The following PI4KA variants were observed in gnomAD, a reference collection of about 807,000 sequenced individuals.
PI4KA encodes phosphatidylinositol 4-kinase alpha, also known as PI4-kinase alpha.
In PI4KA, 122 loss-of-function variants were observed where a neutral mutation model predicts 271.4. The observed-to-expected ratio is 0.45, with a 90% CI of 0.39 to 0.52. The LOEUF (loss-of-function observed/expected upper bound fraction) is 0.52. Ranked by LOEUF, PI4KA falls within the 20% of genes least tolerant of loss-of-function variation. The pLI, the probability that PI4KA is intolerant of heterozygous loss-of-function variation, is 0.00. For synonymous variants in PI4KA, 1,041 were observed against 1,078.8 expected, an observed-to-expected ratio of 0.96 and a Z score of 0.69; for missense variants, 1,969 against 2,769.1, an observed-to-expected ratio of 0.71 and a Z score of 6.48.
At chr22:20,727,997 G>A in intron 39 of PI4KA, 133 bp from the exon 40 acceptor site, 1 of 584,630 alleles carries the variant, frequency 1.7e-6, no homozygotes. Context: ...TGACGGCTTG[G>A]GTACAAACAA....
chr22:20,784,007 C>T (rs769591035), intron 19 of PI4KA: 25 of 1,614,070 alleles, frequency 1.5e-5, no homozygotes, highest in Non-Finnish European at 1.7e-6. Flanking sequence ...GGAAATGACA[C>T]ACAACCACAA....
intron 41 of PI4KA, 76 bp downstream of exon 41, chr22:20,727,154 G>T: frequency 7.2e-7 from 1 of 1,380,306 alleles, no homozygotes; most frequent in Non-Finnish European, 9.9e-7. Context: ...CCAATGGTGG[G>T]GCCTGTGCCT....
chr22:20,809,733 A>G (rs1406798680), intron 9 of PI4KA, among the ~76,000 whole-genome samples: 1 of 152,374 alleles, frequency 6.6e-6, no homozygotes, highest in East Asian at 1.9e-4. Context: ...GCCAATGGGC[A>G]GAACGACAAC....
At chr22:20,795,717 G>A (rs1387429081) in intron 18 of PI4KA, among the ~76,000 whole-genome samples, 1 of 152,146 alleles carries the variant, frequency 6.6e-6, no homozygotes, top group East Asian at 1.9e-4. Flanking sequence ...TATCTCAGTA[G>A]ACCTGTCTTC....
intron 17 of PI4KA, 71 bp from the exon 18 acceptor site, chr22:20,796,385 G>T: frequency 6.8e-7 from 1 of 1,479,794 alleles, no homozygotes; most frequent in Non-Finnish European, 9.3e-7. Flanking sequence ...GCACTGCAGG[G>T]GTGAGGCGAG....
Position 20,727,801 on chromosome 22 carries a change from G to A in PI4KA, c.4746C>T (p.Ala1582=), listed in dbSNP as rs1178504351. The A allele has an allele frequency of 1.3e-5, 21 of 1,613,932 alleles. No individual in the cohort carries two copies. The highest frequency in any genetic ancestry group is 8.8e-5 in the South Asian group (8 of 91,058). The change falls in exon 40 of 55, where the codon GCC becomes GCT. Residue 1582 remains alanine, a synonymous_variant. Coordinates refer to ENST00000255882, the MANE Select transcript of PI4KA (RefSeq NM_058004.4). The part of the protein sequence containing the change: ...VTRLVRLDPG[A]VSDVPEAIKF... ...TGATTGCTTCAGGCACATCACTAAC[G>A]GCTCCCGGGTCCAACCGAACGAGAC...
At chr22:20,783,833 T>C in intron 19 of PI4KA, 1 of 1,144,988 alleles carries the variant, frequency 8.7e-7, no homozygotes, top group Non-Finnish European at 1.3e-6. Flanking sequence ...AAATCAGGCC[T>C]CAGGAATCAA....
chr22:20,843,162 A>C (rs1187254892), intron 1 of PI4KA, among the ~76,000 whole-genome samples: 1 of 151,866 alleles, frequency 6.6e-6, no homozygotes, highest in Non-Finnish European at 1.5e-5. Flanking sequence ...TGTATTTCCC[A>C]TATTTTCTAT....
intron 8 of PI4KA, among the ~76,000 whole-genome samples, chr22:20,811,946 G>A (rs1208966606): frequency 1.3e-5 from 2 of 150,320 alleles, no homozygotes; most frequent in African/African-American, 4.9e-5. Context: ...CTGGGAGGCG[G>A]AGCTTGCAGT....
Position 20,807,419 on chromosome 22 carries a change from C to A in PI4KA, c.1111G>T (p.Asp371Tyr). ...TTGAACATGGTCAGGTAGAGAGGGT[C>A]ACTGAAGGAAGTGTAGTAGAGATCA... ...SADLYYTSFSDPLYLTMFKML... is the reference protein window; with the variant it reads ...SADLYYTSFSYPLYLTMFKML... The change falls in exon 10 of 55, where the codon GAC (aspartate) becomes TAC (tyrosine). Residue 371 changes from aspartate to tyrosine, a missense_variant. Physicochemically the swap from Asp to Tyr is radical, Grantham distance 160. Coordinates refer to ENST00000255882, the MANE Select transcript of PI4KA (RefSeq NM_058004.4). The A allele has an allele frequency of 1.9e-6, 3 of 1,613,572 alleles. No homozygotes were observed. Among genetic ancestry groups the A allele is most frequent in the Non-Finnish European group, 2.5e-6 (3 of 1,179,498 alleles).
chr22:20,746,791 C>T (rs893179599), intron 29 of PI4KA, among the ~76,000 whole-genome samples: 4 of 152,186 alleles, frequency 2.6e-5, no homozygotes, highest in African/African-American at 9.7e-5. Flanking sequence ...GGAGAGTGCC[C>T]TGATAGCAAA....
At chr22:20,769,626 G>A (rs1170588984) in intron 19 of PI4KA, among the ~76,000 whole-genome samples, 3 of 149,046 alleles carry the variant, frequency 2.0e-5, no homozygotes, top group Non-Finnish European at 3.0e-5. Flanking sequence ...CCAAGATTGC[G>A]CCACTGCACT....
Position 20,739,047 on chromosome 22 carries a change from A to C in PI4KA, c.3741+3181T>G, listed in dbSNP as rs1193077135. ...CAGGAGACTCAGTCACAAAAAAAAAAAAAAAAAAAAGCAACTGGCTGGGCG... is the reference window on the plus strand; with the variant it reads ...CAGGAGACTCAGTCACAAAAAAAAACAAAAAAAAAAGCAACTGGCTGGGCG... On this transcript the variant is annotated intron_variant, in intron 32 of 54. Coordinates refer to ENST00000255882, the MANE Select transcript of PI4KA (RefSeq NM_058004.4). Among the ~76,000 whole-genome samples the C allele has an allele frequency of 1.2e-4, 17 of 146,310 alleles. 1 individual carries two copies. Among genetic ancestry groups the C allele is most frequent in the African/African-American group, 4.3e-4 (17 of 39,494 alleles).
At chr22:20,787,894 C>T (rs1044418463) in intron 19 of PI4KA, among the ~76,000 whole-genome samples, 3 of 152,272 alleles carry the variant, frequency 2.0e-5, no homozygotes, top group Admixed American at 2.0e-4. Flanking sequence ...TGGGGAGGGT[C>T]TGTGCAGTAC....
rs1362403075 is a variant in PI4KA, at chr22:20,729,487, A to G, written c.4508T>C (p.Leu1503Pro). ...TGACAGCGGGTTGTACCATGTGATG[A>G]GACGCTCGATCTCAGTGGCCTGGCA... Reference protein sequence around the residue: ...LSLLATEIERLITWYNPLSAP... With the variant: ...LSLLATEIERPITWYNPLSAP... Residue 1503 changes from leucine (L) to proline (P), a missense_variant, in exon 39 of 55, where the codon CTC becomes CCC. Physicochemically the swap from Leu to Pro is moderately conservative, Grantham distance 98. Around this residue, in one of 13 missense-constraint regions of PI4KA, gnomAD observed 388 missense variants for 521.5 expected, o/e 0.74. Coordinates refer to ENST00000255882, the MANE Select transcript of PI4KA (RefSeq NM_058004.4). 1 of 1,602,106 alleles carries G rather than the reference A, an allele frequency of 6.2e-7. No individual in the cohort carries two copies. Among genetic ancestry groups the G allele is most frequent in the Non-Finnish European group, 8.5e-7 (1 of 1,173,754 alleles).
intron 11 of PI4KA, among the ~76,000 whole-genome samples, 195 bp from the exon 12 acceptor site, chr22:20,804,595 C>T (rs1569053595): frequency 1.3e-5 from 2 of 152,306 alleles, no homozygotes; most frequent in East Asian, 1.9e-4. Flanking sequence ...CCCTTGTCCC[C>T]GCAGTGTTCA....
intron 2 of PI4KA, among the ~76,000 whole-genome samples, chr22:20,835,291 T>C (rs1458459139): frequency 1.3e-5 from 2 of 152,216 alleles, no homozygotes; most frequent in East Asian, 1.9e-4. Flanking sequence ...TCTTCCATCA[T>C]TGGCTTTTGG....
At chr22:20,754,974 G>A (rs891081677) in intron 23 of PI4KA, among the ~76,000 whole-genome samples, 2 of 152,012 alleles carry the variant, frequency 1.3e-5, no homozygotes, top group Admixed American at 6.6e-5. Context: ...TATTTTTTAG[G>A]GACAGGGTAT....
At chr22:20,732,887 T>C in intron 36 of PI4KA, 84 bp downstream of exon 36, 1 of 1,548,928 alleles carries the variant, frequency 6.5e-7, no homozygotes, top group Non-Finnish European at 8.9e-7. Context: ...TTTCCGTCCC[T>C]ACCTCTGGCA....
Sources: allele counts gnomAD v4.1 joint callset (sites outside exome capture counted in the v4.1 genomes callset), GRCh38; gene constraint gnomAD v4.1.1; regional missense constraint gnomAD v4.1.1; transcripts MANE v1.5; gene names NCBI Gene and HGNC (gene_info 2026-07-23, HGNC 2026-07-21).